GPC6: variants seen among roughly 807,000 people sequenced by gnomAD.
GPC6 encodes glypican-6.
In GPC6, 14 loss-of-function variants were observed where a neutral mutation model predicts 55.2. That is an observed-to-expected ratio of 0.25 (90% CI 0.17 to 0.40). The LOEUF (loss-of-function observed/expected upper bound fraction) is 0.40, where lower values mean the gene tolerates loss of function less well. Ranked by LOEUF, GPC6 falls within the 10% of genes least tolerant of loss-of-function variation. The pLI, the probability that GPC6 is intolerant of heterozygous loss-of-function variation, is 1.00. For missense variants in GPC6, 641 were observed against 708.5 expected (o/e 0.90, Z 1.08); for synonymous variants, 278 against 259.6 (o/e 1.07, Z -0.68).
chr13:94,289,441 G>C (rs921597909), intron 5 of GPC6, among the ~76,000 whole-genome samples: 1 of 152,070 alleles, frequency 6.6e-6, no homozygotes, highest in African/African-American at 2.4e-5. Flanking sequence ...GAGATGACTG[G>C]GAGGCCAGCT....
chr13:93,489,650 G>A (rs1239838510), intron 1 of GPC6, among the ~76,000 whole-genome samples: 5 of 150,984 alleles, frequency 3.3e-5, no homozygotes, highest in African/African-American at 9.7e-5. Context: ...ATTTTGTTGA[G>A]CAGTGGTTTG....
In GPC6 at chr13:94,178,277, A is replaced by G. The variant is rs187486443; in HGVS notation, c.878-108072A>G. 1.3e-3 allele frequency among the ~76,000 whole-genome samples: 193 copies of G among 152,242 alleles called. 2 individuals are homozygous for G. The highest frequency in any genetic ancestry group is 4.4e-3 in the Admixed American group (67 of 15,288). On this transcript the variant is annotated intron_variant, in intron 4 of 8. Coordinates refer to ENST00000377047, the MANE Select transcript of GPC6 (RefSeq NM_005708.5). ...CTCCCAAAGTGCTGGGATTACAGGC[A>G]TGAGCCATCGCACCCGGCTGGTCTT...
chr13:93,847,642 A>G (rs948022567), intron 3 of GPC6, among the ~76,000 whole-genome samples: 11 of 152,168 alleles, frequency 7.2e-5, no homozygotes, highest in African/African-American at 2.2e-4. Flanking sequence ...CCAAATTGAC[A>G]TTCATTGTCC....
intron 1 of GPC6, among the ~76,000 whole-genome samples, chr13:93,447,514 A>G (rs148940519): frequency 2.6e-4 from 40 of 152,292 alleles, no homozygotes; most frequent in Non-Finnish European, 4.9e-4. Context: ...TGAGGAAATC[A>G]ATCCCTTTTC....
chr13:94,372,091 T>C (rs1879572107), intron 6 of GPC6, among the ~76,000 whole-genome samples: 1 of 152,096 alleles, frequency 6.6e-6, no homozygotes, highest in African/African-American at 2.4e-5. Context: ...CTTTCTCTTT[T>C]TTCCTTCTCT....
At chr13:93,228,548 G>C (rs1429771357) in intron 1 of GPC6, among the ~76,000 whole-genome samples, 1 of 152,178 alleles carries the variant, frequency 6.6e-6, no homozygotes, top group Non-Finnish European at 1.5e-5. Context: ...TTGCGCGGCA[G>C]TCTGGGTGCT....
chr13:93,696,954 C>G (rs918910711), intron 2 of GPC6, among the ~76,000 whole-genome samples: 3 of 152,042 alleles, frequency 2.0e-5, no homozygotes, highest in African/African-American at 7.2e-5. Context: ...TATTTTAAAG[C>G]TGTATTTCTT....
At chr13:94,078,716 A>C (rs1326519139) in intron 4 of GPC6, among the ~76,000 whole-genome samples, 2 of 152,010 alleles carry the variant, frequency 1.3e-5, no homozygotes, top group African/African-American at 4.8e-5. Flanking sequence ...AACTCTAAAC[A>C]GAACACCAAC....
chr13:94,345,408 C>T (rs184782269), intron 6 of GPC6, among the ~76,000 whole-genome samples: 2 of 152,238 alleles, frequency 1.3e-5, no homozygotes, highest in African/African-American at 4.8e-5. Flanking sequence ...AAATAGCAAG[C>T]TCCCTCTGAG....
intron 4 of GPC6, among the ~76,000 whole-genome samples, chr13:94,166,790 T>C (rs1311995901): frequency 6.6e-6 from 1 of 152,174 alleles, no homozygotes; most frequent in Non-Finnish European, 1.5e-5. Context: ...ATAATAAATA[T>C]TTGAAACCTG....
intron 2 of GPC6, among the ~76,000 whole-genome samples, chr13:93,809,964 G>A (rs1174159827): frequency 6.6e-6 from 1 of 152,086 alleles, no homozygotes; most frequent in Admixed American, 6.6e-5. Context: ...CTTCCATGGG[G>A]AAGGACTCGG....
intron 3 of GPC6, among the ~76,000 whole-genome samples, chr13:93,864,286 C>A (rs752832014): frequency 7.9e-5 from 12 of 151,678 alleles, no homozygotes; most frequent in Non-Finnish European, 1.6e-4. Flanking sequence ...TGCTCAAATC[C>A]TCTGTCTACT....
intron 1 of GPC6, among the ~76,000 whole-genome samples, chr13:93,399,829 A>G (rs1189882424): frequency 6.6e-6 from 1 of 152,178 alleles, no homozygotes; most frequent in Admixed American, 6.5e-5. Context: ...CCTTTGTCCA[A>G]AAATGTGTGG....
intron 2 of GPC6, among the ~76,000 whole-genome samples, chr13:93,655,637 C>A (rs562695500): frequency 9.9e-5 from 15 of 152,100 alleles, no homozygotes; most frequent in Non-Finnish European, 2.1e-4. Flanking sequence ...CCTGAAAAAT[C>A]TATGTGTATA....
At chr13:93,579,627 T>C (rs773522034) in intron 2 of GPC6, among the ~76,000 whole-genome samples, 2 of 152,102 alleles carry the variant, frequency 1.3e-5, no homozygotes, top group Non-Finnish European at 2.9e-5. Flanking sequence ...GTGATTTGTA[T>C]TTTGCTGGGA....
intron 3 of GPC6, among the ~76,000 whole-genome samples, chr13:94,018,696 C>T (rs1366361804): frequency 6.6e-6 from 1 of 152,142 alleles, no homozygotes; most frequent in Admixed American, 6.5e-5. Flanking sequence ...GGGTCCCCAA[C>T]CCCCCAGCCG....
chr13:93,548,266 G>C (rs1336322920), intron 2 of GPC6, among the ~76,000 whole-genome samples: 1 of 152,096 alleles, frequency 6.6e-6, no homozygotes, highest in African/African-American at 2.4e-5. Flanking sequence ...CATTTGGATT[G>C]TGTATGTCTT....
At chr13:93,696,202 T>C (rs993712711) in intron 2 of GPC6, among the ~76,000 whole-genome samples, 4 of 152,182 alleles carry the variant, frequency 2.6e-5, no homozygotes, top group Non-Finnish European at 5.9e-5. Context: ...GCTTTTCAAC[T>C]GGCAAATTGT....
intron 3 of GPC6, among the ~76,000 whole-genome samples, chr13:93,831,430 G>T (rs1198128331): frequency 2.0e-5 from 3 of 152,098 alleles, no homozygotes; most frequent in African/African-American, 7.2e-5. Context: ...CAGGAATCTG[G>T]TATTATGTCA....
Sources: gnomAD v4.1 joint callset for allele counts (sites outside exome capture counted in the v4.1 genomes callset) on GRCh38, gnomAD v4.1.1 for gene constraint, MANE v1.5 for transcripts, NCBI Gene and HGNC (gene_info 2026-07-23, HGNC 2026-07-21) for gene names.